Variants in PLEKHG1 observed in about 807,000 individuals in gnomAD.
The protein encoded by PLEKHG1 is pleckstrin homology domain-containing family G member 1.
PLEKHG1 carries 44 observed loss-of-function variants against 100.8 expected under a neutral mutation model. That is an observed-to-expected ratio of 0.44 (90% CI 0.34 to 0.56). The LOEUF (loss-of-function observed/expected upper bound fraction) is 0.56. Among genes scored for constraint, PLEKHG1 ranks in the 20% least tolerant of loss-of-function variants. PLEKHG1 has a pLI of 0.01. For missense variants in PLEKHG1, 1,545 were observed against 1,720.9 expected (o/e 0.90, Z 1.81); for synonymous variants, 640 against 662.5 (o/e 0.97, Z 0.52).
intron 3 of PLEKHG1, among the ~76,000 whole-genome samples, chr6:150,684,127 T>G (rs968742107): frequency 2.0e-5 from 3 of 152,166 alleles, no homozygotes; most frequent in Admixed American, 6.5e-5. Flanking sequence ...GCTAGTAAAT[T>G]GGCATCTTCA....
chr6:150,653,468 C>T (rs931141605), intron 3 of PLEKHG1, among the ~76,000 whole-genome samples: 7 of 151,962 alleles, frequency 4.6e-5, no homozygotes, highest in Admixed American at 2.6e-4. Flanking sequence ...ACAGGCTGGG[C>T]GCAGTGGCTC....
intron 1 of PLEKHG1, among the ~76,000 whole-genome samples, chr6:150,623,085 G>A (rs1777374200): frequency 6.6e-6 from 1 of 151,084 alleles, no homozygotes. Flanking sequence ...TGCTTCTGTT[G>A]TTTGTGTTAA....
chr6:150,713,808 G>A (rs940572030), intron 3 of PLEKHG1, among the ~76,000 whole-genome samples: 12 of 152,170 alleles, frequency 7.9e-5, no homozygotes, highest in Non-Finnish European at 1.5e-5. Flanking sequence ...TTCCATTGCA[G>A]CTGTGGGTTT....
chr6:150,659,786 G>A (rs900007663), intron 3 of PLEKHG1, among the ~76,000 whole-genome samples: 1 of 152,148 alleles, frequency 6.6e-6, no homozygotes, highest in Admixed American at 6.6e-5. Flanking sequence ...ACTGCTTTGT[G>A]ATCTTAAAAA....
intron 1 of PLEKHG1, among the ~76,000 whole-genome samples, chr6:150,602,353 A>G (rs1776390684): frequency 6.6e-6 from 1 of 152,210 alleles, no homozygotes; most frequent in African/African-American, 2.4e-5. Context: ...CTCTTGGATG[A>G]CCTAGTCCAG....
intron 2 of PLEKHG1, among the ~76,000 whole-genome samples, chr6:150,758,282 A>G (rs1783958439): frequency 6.6e-6 from 1 of 151,924 alleles, no homozygotes; most frequent in Non-Finnish European, 1.5e-5. Flanking sequence ...TATCCCACCA[A>G]CAGTGGAAAA....
chr6:150,814,197 C>T (rs890576367), intron 10 of PLEKHG1, among the ~76,000 whole-genome samples: 4 of 152,122 alleles, frequency 2.6e-5, no homozygotes, highest in African/African-American at 9.7e-5. Flanking sequence ...TGGCCTGGTG[C>T]CTTAGAATGC....
chr6:150,741,713 C>T (rs1782868967), intron 2 of PLEKHG1, among the ~76,000 whole-genome samples: 1 of 152,204 alleles, frequency 6.6e-6, no homozygotes, highest in Non-Finnish European at 1.5e-5. Flanking sequence ...AACTGAAAAG[C>T]AGGCCTTTCT....
intron 6 of PLEKHG1, among the ~76,000 whole-genome samples, chr6:150,803,554 C>T (rs895495390): frequency 1.3e-5 from 2 of 152,130 alleles, no homozygotes; most frequent in Non-Finnish European, 2.9e-5. Context: ...GATCCTGTCC[C>T]TCTCTCACGT....
chr6:150,675,443 C>A (rs117040798), intron 3 of PLEKHG1, among the ~76,000 whole-genome samples: 1 of 152,336 alleles, frequency 6.6e-6, no homozygotes, highest in Non-Finnish European at 1.5e-5. Context: ...TTTTCTCTCA[C>A]GCTTTCTGGA....
intron 1 of PLEKHG1, among the ~76,000 whole-genome samples, chr6:150,623,247 T>A (rs1457192808): frequency 6.6e-6 from 1 of 152,202 alleles, no homozygotes; most frequent in Admixed American, 6.5e-5. Flanking sequence ...GGAAAACAGA[T>A]GGGAAGTCTT....
chr6:150,795,332 G>A (rs1293618029), intron 4 of PLEKHG1, among the ~76,000 whole-genome samples: 3 of 151,230 alleles, frequency 2.0e-5, no homozygotes, highest in Non-Finnish European at 2.9e-5. Context: ...AGAGGCAGAG[G>A]CTACAGTGAG....
intron 2 of PLEKHG1, among the ~76,000 whole-genome samples, chr6:150,647,837 G>A (rs1003840307): frequency 6.6e-6 from 1 of 152,086 alleles, no homozygotes; most frequent in Non-Finnish European, 1.5e-5. Flanking sequence ...AACAGCCTCT[G>A]AGGTTCTCAA....
At position 150,643,990 on chromosome 6, in the gene PLEKHG1, C is replaced by T. The variant is rs148021515; in HGVS notation, c.-158+5865C>T. On this transcript the variant is annotated intron_variant, in intron 2 of 3. Transcript: ENST00000367326. ...TGAATTTGCAAGGAAAGCTATAGAG[C>T]GTGTGTCTGTCTTTGGAGGTCTCTG... 2.7e-4 allele frequency among the ~76,000 whole-genome samples: 41 copies of T among 151,848 alleles called. 1 individual carries two copies. The East Asian group carries it at 7.4e-3, about 27-fold the overall frequency.
At chr6:150,809,815 G>A (rs565009508) in intron 10 of PLEKHG1, 81 bp downstream of exon 11, 17 of 1,017,772 alleles carry the variant, frequency 1.7e-5, no homozygotes, top group Middle Eastern at 2.1e-4. Flanking sequence ...GTTACTGTGA[G>A]CCGAGATCAC....
At position 150,831,376 on chromosome 6, in the gene PLEKHG1, T is replaced by G; in HGVS notation, c.2265T>G (p.Phe755Leu). The change falls in exon 15 of 16, where the codon TTT becomes TTG. Residue 755 changes from phenylalanine (F) to leucine (L), a missense_variant. Physicochemically the swap from Phe to Leu is conservative, Grantham distance 22. Transcript: ENST00000358517. This position sits in a 1 kb window ranked among gnomAD's most constrained non-coding sequence, Gnocchi z 4.1. ...TCCCAGATCCTCCGTCGCTGGGTTT[T>G]AAGTGCAGCAGCCTAAAGCGTGCAA... 6.2e-7 allele frequency: 1 copy of G among 1,614,120 alleles called. No homozygotes were observed. Among genetic ancestry groups the G allele is most frequent in the Non-Finnish European group, 8.5e-7 (1 of 1,180,036 alleles).
At chr6:150,619,515 GAC>G (rs770342271) in intron 1 of PLEKHG1, among the ~76,000 whole-genome samples, 20 of 152,108 alleles carry the variant, frequency 1.3e-4, no homozygotes, top group Admixed American at 2.6e-4. Flanking sequence ...ATGTTTTTCT[GAC>G]ACAGTTTCAT....
At chr6:150,811,916 G>A (rs926722084) in intron 10 of PLEKHG1, among the ~76,000 whole-genome samples, 5 of 152,198 alleles carry the variant, frequency 3.3e-5, no homozygotes, top group Non-Finnish European at 7.3e-5. Context: ...CAGGAGTGAG[G>A]TTGGAGGCTG....
chr6:150,655,335 A>G (rs1450947147), intron 3 of PLEKHG1, among the ~76,000 whole-genome samples: 1 of 152,322 alleles, frequency 6.6e-6, no homozygotes, highest in East Asian at 1.9e-4. Flanking sequence ...ATGCACACGT[A>G]TATTTATTGC....
Sources: gnomAD v4.1 joint callset for allele counts (sites outside exome capture counted in the v4.1 genomes callset) on GRCh38, gnomAD v4.1.1 for gene constraint, Gnocchi (gnomAD v3.1) non-coding constraint, MANE v1.5 for transcripts, NCBI Gene and HGNC (gene_info 2026-07-23, HGNC 2026-07-21) for gene names.